RIMS2: variants seen among roughly 807,000 people sequenced by gnomAD.
RIMS2 encodes the protein regulating synaptic membrane exocytosis 2.
Under a neutral mutation model 174.4 loss-of-function variants are expected in RIMS2, and 59 were observed. The observed-to-expected ratio is 0.34, with a 90% confidence interval of 0.27 to 0.42. The LOEUF is 0.42. Ranked by LOEUF, RIMS2 falls within the 10% of genes least tolerant of loss-of-function variation. RIMS2 has a pLI of 1.00. For synonymous variants in RIMS2, 606 were observed against 572.5 expected (o/e 1.06, Z -0.84); for missense variants, 1,620 against 1,666.3 (o/e 0.97, Z 0.48).
chr8:103,526,635 G>A (rs993275439), intron 1 of RIMS2, among the ~76,000 whole-genome samples: 1 of 152,014 alleles, frequency 6.6e-6, no homozygotes, highest in African/African-American at 2.4e-5. Flanking sequence ...AACTGAAAAA[G>A]GTAATAAATG....
intron 19 of RIMS2, among the ~76,000 whole-genome samples, chr8:104,014,819 T>C (rs955185367): frequency 1.3e-5 from 2 of 152,220 alleles, no homozygotes; most frequent in African/African-American, 4.8e-5. Context: ...GTATCTTTAT[T>C]GCTCTTGCAC....
At chr8:103,724,791 G>A (rs2097505371) in intron 2 of RIMS2, among the ~76,000 whole-genome samples, 1 of 151,986 alleles carries the variant, frequency 6.6e-6, no homozygotes, top group East Asian at 1.9e-4. Context: ...ATTCCCATAT[G>A]CATTCTGGTA....
intron 1 of RIMS2, among the ~76,000 whole-genome samples, chr8:103,676,399 C>A (rs1162557568): frequency 2.0e-5 from 3 of 152,104 alleles, no homozygotes; most frequent in Non-Finnish European, 2.9e-5. Flanking sequence ...CTGGATTTAG[C>A]ATGTATAGCT....
intron 19 of RIMS2, among the ~76,000 whole-genome samples, chr8:104,215,527 G>T (rs575301437): frequency 9.5e-4 from 145 of 152,220 alleles, no homozygotes; most frequent in Non-Finnish European, 1.7e-3. Context: ...AAAGTTTTTA[G>T]ATCTTGCCAT....
intron 20 of RIMS2, among the ~76,000 whole-genome samples, chr8:104,245,427 A>G (rs2099326037): frequency 6.6e-6 from 1 of 152,242 alleles, no homozygotes; most frequent in Non-Finnish European, 1.5e-5. Context: ...CGCCATCCTG[A>G]GAATTATTGC....
chr8:103,976,104 C>T (rs191538856), intron 16 of RIMS2: 4 of 152,248 alleles, frequency 2.6e-5, no homozygotes, highest in East Asian at 3.9e-4. Flanking sequence ...CAAGTTGACA[C>T]GTAATGTTAA....
intron 2 of RIMS2, among the ~76,000 whole-genome samples, chr8:103,764,636 T>C (rs1415658950): frequency 6.6e-6 from 1 of 152,122 alleles, no homozygotes; most frequent in Non-Finnish European, 1.5e-5. Context: ...TAATGGTGTT[T>C]TCACATCAAA....
At chr8:103,935,268 A>C (rs72681383) in intron 12 of RIMS2, among the ~76,000 whole-genome samples, 1 of 152,070 alleles carries the variant, frequency 6.6e-6, no homozygotes, top group East Asian at 1.9e-4. Flanking sequence ...ATGGGTTTGC[A>C]TTGTCATTTT....
chr8:103,636,825 C>A (rs561594285), intron 1 of RIMS2, among the ~76,000 whole-genome samples: 3 of 114,006 alleles, frequency 2.6e-5, no homozygotes, highest in Non-Finnish European at 5.0e-5. Flanking sequence ...TACCAATCTG[C>A]GTTTTGGGGA....
chr8:103,540,659 A>G (rs1842139791), intron 1 of RIMS2, among the ~76,000 whole-genome samples: 1 of 152,300 alleles, frequency 6.6e-6, no homozygotes, highest in Middle Eastern at 3.4e-3. Flanking sequence ...CCACTAACTA[A>G]TGCCAAATAA....
At chr8:104,233,413 A>G (rs527504530) in intron 19 of RIMS2, among the ~76,000 whole-genome samples, 1 of 152,308 alleles carries the variant, frequency 6.6e-6, no homozygotes, top group South Asian at 2.1e-4. Context: ...GAAAAACTGA[A>G]AGAAAAATTC....
At chr8:104,094,427 CT>C (rs1168147284) in intron 19 of RIMS2, 1 of 586,278 alleles carries the variant, frequency 1.7e-6, no homozygotes, top group Admixed American at 3.1e-5. Flanking sequence ...TCTTGACTTT[CT>C]TTTTTTGTGT....
intron 1 of RIMS2, among the ~76,000 whole-genome samples, chr8:103,572,363 CCATTTTACAGAGCACTG>C (rs2092890220): frequency 9.4e-6 from 1 of 106,624 alleles, no homozygotes; most frequent in African/African-American, 4.0e-5. Context: ...GCCGATTGGT[CCATTTTACAGAGCACTG>C]ATTGGTCCAT....
chr8:104,251,136 A>G, exon 23 of RIMS2: 1 of 1,612,772 alleles, frequency 6.2e-7, no homozygotes, highest in South Asian at 1.1e-5. Context: ...TATCTTTCGA[A>G]GAGAGTCCAC....
chr8:104,048,153 A>T (rs1402039021), intron 19 of RIMS2, among the ~76,000 whole-genome samples: 1 of 152,178 alleles, frequency 6.6e-6, no homozygotes, highest in East Asian at 1.9e-4. Context: ...CATAAATAAA[A>T]GGCACACAAG....
At chr8:103,939,822 C>G (rs111570401) in intron 13 of RIMS2, among the ~76,000 whole-genome samples, 53 of 152,290 alleles carry the variant, frequency 3.5e-4, no homozygotes, top group African/African-American at 1.2e-3. Flanking sequence ...TTCCACAAAT[C>G]TCTAGGGCAG....
intron 2 of RIMS2, among the ~76,000 whole-genome samples, chr8:103,722,630 T>C (rs1003364838): frequency 2.0e-5 from 3 of 152,124 alleles, no homozygotes; most frequent in Admixed American, 1.3e-4. Context: ...TAGATAAAGT[T>C]TGCTTGCTCA....
intron 3 of RIMS2, among the ~76,000 whole-genome samples, chr8:103,820,564 A>G (rs935795700): frequency 6.6e-6 from 1 of 151,968 alleles, no homozygotes; most frequent in African/African-American, 2.4e-5. Context: ...GATTAAAAAA[A>G]TACCGGTTAT....
chr8:103,734,014 C>CTTTTTTTTTTTTTTTTTTTTTTT (rs59348302), intron 2 of RIMS2, among the ~76,000 whole-genome samples: 1 of 85,740 alleles, frequency 1.2e-5, no homozygotes, highest in African/African-American at 5.4e-5. Context: ...CTAAAAGCTT[C>CTTTTTTTTTTTTTTTTTTTTTTT]TTTTTTTTTT....
Sources: gnomAD v4.1 joint callset for allele counts (sites outside exome capture counted in the v4.1 genomes callset) on GRCh38, gnomAD v4.1.1 for gene constraint, MANE v1.5 for transcripts, NCBI Gene and HGNC (gene_info 2026-07-23, HGNC 2026-07-21) for gene names.